ZBBX: variants seen among roughly 807,000 people sequenced by gnomAD.
ZBBX encodes the protein zinc finger B-box domain containing, also known as zinc finger B-box domain-containing protein 1.
Under a neutral mutation model 108.5 loss-of-function variants are expected in ZBBX, and 101 were observed. The observed-to-expected ratio is 0.93, with a 90% confidence interval of 0.79 to 1.10. The LOEUF is 1.10. ZBBX is among the 50% of genes least tolerant of loss of function. The probability of loss-of-function intolerance (pLI) is 0.00; values close to 1 mark genes in which losing one functional copy is unlikely to be tolerated. For missense variants in ZBBX, 1,009 were observed against 941.4 expected, an observed-to-expected ratio of 1.07 and a Z score of -0.94; for synonymous variants, 356 against 323.4, an observed-to-expected ratio of 1.10 and a Z score of -1.08.
intron 20 of ZBBX, among the ~76,000 whole-genome samples, chr3:167,245,686 C>T (rs2108327640): frequency 6.6e-6 from 1 of 152,282 alleles, no homozygotes; most frequent in Middle Eastern, 3.4e-3. Flanking sequence ...TGTAGCACTT[C>T]TCATCCACCC....
At chr3:167,231,276 C>G in the ZBBX span, among the ~76,000 whole-genome samples, 3 of 151,794 alleles carry the variant, frequency 2.0e-5, no homozygotes, top group East Asian at 5.8e-4. Flanking sequence ...CTAAGCATAG[C>G]AATAGTCAGA....
intron 20 of ZBBX, among the ~76,000 whole-genome samples, chr3:167,263,774 A>T (rs1222884231): frequency 6.6e-6 from 1 of 152,096 alleles, no homozygotes; most frequent in East Asian, 1.9e-4. Context: ...TTCTTCATTG[A>T]TTTTCTGTCT....
intron 1 of ZBBX, among the ~76,000 whole-genome samples, chr3:167,385,487 TA>T (rs1279548945): frequency 3.9e-5 from 6 of 152,012 alleles, no homozygotes; most frequent in African/African-American, 1.4e-4. Flanking sequence ...AAATTTTTTT[TA>T]AAAATTTCAT....
chr3:167,401,275 G>A (rs1017003020), intron 1 of ZBBX: 1 of 152,110 alleles, frequency 6.6e-6, no homozygotes, highest in African/African-American at 2.4e-5. Context: ...ACGTTTAAAA[G>A]TTCACTAGGC....
At chr3:167,227,671 C>T in the ZBBX span, among the ~76,000 whole-genome samples, 1 of 151,714 alleles carries the variant, frequency 6.6e-6, no homozygotes, top group East Asian at 1.9e-4. Flanking sequence ...TACAATTTTA[C>T]AGGATTCACA....
At chr3:167,194,526 A>G in the ZBBX span, among the ~76,000 whole-genome samples, 2 of 152,172 alleles carry the variant, frequency 1.3e-5, no homozygotes, top group Admixed American at 6.5e-5. Flanking sequence ...TCCTGTGCGT[A>G]TTTCAGAATT....
intron 17 of ZBBX, among the ~76,000 whole-genome samples, chr3:167,303,646 C>T (rs975546753): frequency 6.6e-6 from 1 of 152,108 alleles, no homozygotes; most frequent in Non-Finnish European, 1.5e-5. Context: ...GAAAGTTTTG[C>T]AAGCCTTAGA....
At chr3:167,328,574 G>A (rs1200274704) in intron 10 of ZBBX, among the ~76,000 whole-genome samples, 1 of 151,742 alleles carries the variant, frequency 6.6e-6, no homozygotes, top group Non-Finnish European at 1.5e-5. Context: ...TTCCTACCAG[G>A]ACCTACACCG....
At chr3:167,393,631 C>T (rs1158479721) in intron 1 of ZBBX, among the ~76,000 whole-genome samples, 1 of 151,788 alleles carries the variant, frequency 6.6e-6, no homozygotes, top group Non-Finnish European at 1.5e-5. Flanking sequence ...GTTCTTGATG[C>T]TAGAGTGAAA....
intron 17 of ZBBX, among the ~76,000 whole-genome samples, chr3:167,298,929 C>A (rs1162198364): frequency 5.3e-5 from 8 of 151,950 alleles, no homozygotes; most frequent in African/African-American, 1.9e-4. Context: ...CATCATGAAG[C>A]AAATATAAAG....
chr3:167,308,309 A>G (rs1356623430), intron 16 of ZBBX, among the ~76,000 whole-genome samples: 1 of 152,150 alleles, frequency 6.6e-6, no homozygotes, highest in Non-Finnish European at 1.5e-5. Flanking sequence ...AAAAAAAATA[A>G]CAGATGCTGG....
intron 12 of ZBBX, among the ~76,000 whole-genome samples, chr3:167,319,551 C>T (rs1250940939): frequency 6.6e-6 from 1 of 151,790 alleles, no homozygotes; most frequent in Non-Finnish European, 1.5e-5. Flanking sequence ...GAAAGTCATA[C>T]CAACCTTAAA....
intron 17 of ZBBX, 142 bp downstream of exon 17, chr3:167,305,501 C>A: frequency 1.7e-6 from 1 of 603,106 alleles, no homozygotes. Context: ...GTATGAGTCA[C>A]TCTTCAACTA....
the ZBBX span, among the ~76,000 whole-genome samples, chr3:167,209,051 G>C: frequency 6.6e-6 from 1 of 152,138 alleles, no homozygotes; most frequent in Admixed American, 6.5e-5. Flanking sequence ...GCCTGGGATG[G>C]TGGTAGCTAT....
intron 1 of ZBBX, among the ~76,000 whole-genome samples, chr3:167,389,975 C>T (rs1227490219): frequency 3.3e-5 from 5 of 152,040 alleles, no homozygotes; most frequent in Non-Finnish European, 7.4e-5. Context: ...TTAATTAAAT[C>T]CCATTAGTCA....
the ZBBX span, among the ~76,000 whole-genome samples, chr3:167,233,393 ATAGAGT>A: frequency 2.0e-5 from 3 of 151,816 alleles, no homozygotes; most frequent in East Asian, 5.8e-4. Flanking sequence ...AGGCTCTGAG[ATAGAGT>A]TAGAGACCTG....
Position 167,365,976 on chromosome 3 carries a change from C to T in ZBBX, c.183G>A (p.Glu61=), listed in dbSNP as rs762556057. ...CAGATTTCCAGTAATACTCGCTTGA[C>T]CTTTAATATATATAAACAAGATAAA... is the stretch of plus-strand genomic sequence containing the variant. ...STRNKEKEDR[E]SSEYYWKSGK... The change falls in exon 6 of 22, where the codon GAG becomes GAA. Residue 61 remains glutamate (E), a splice_region_variant and synonymous_variant. Transcript: ENST00000675490. 47 of 1,598,362 alleles carry T rather than the reference C, an allele frequency of 2.9e-5. No individual in the cohort carries two copies. Among genetic ancestry groups the T allele is most frequent in the Non-Finnish European group, 3.2e-5 (37 of 1,168,140 alleles).
At chr3:167,386,338 G>A (rs74423708) in intron 1 of ZBBX, among the ~76,000 whole-genome samples, 1,580 of 151,996 alleles carry the variant, frequency 0.01, 24 homozygotes, top group African/African-American at 0.036. Context: ...GGATTGTTTT[G>A]GTTGTGCAGA....
At chr3:167,293,219 A>C (rs560806897) in intron 18 of ZBBX, among the ~76,000 whole-genome samples, 94 of 152,304 alleles carry the variant, frequency 6.2e-4, no homozygotes, top group African/African-American at 2.2e-3. Context: ...CATCATCCTG[A>C]TACCAAAACC....
Sources: gnomAD v4.1 joint callset for allele counts (sites outside exome capture counted in the v4.1 genomes callset) on GRCh38, gnomAD v4.1.1 for gene constraint, MANE v1.5 for transcripts, NCBI Gene and HGNC (gene_info 2026-07-23, HGNC 2026-07-21) for gene names.